UBE2R2: variants seen among roughly 807,000 people sequenced by gnomAD.
UBE2R2 encodes ubiquitin conjugating enzyme E2 R2, also known as ubiquitin-conjugating enzyme E2 R2.
Under a neutral mutation model 27.8 loss-of-function variants are expected in UBE2R2, and 1 was observed. The observed-to-expected ratio is 0.04, with a 90% confidence interval of 0.01 to 0.17. The LOEUF (loss-of-function observed/expected upper bound fraction) is 0.17. Ranked by LOEUF, UBE2R2 falls within the 10% of genes least tolerant of loss-of-function variation. UBE2R2 has a pLI of 1.00. For missense variants in UBE2R2, 100 were observed against 291.0 expected, an observed-to-expected ratio of 0.34 and a Z score of 4.78; for synonymous variants, 106 against 113.3, an observed-to-expected ratio of 0.94 and a Z score of 0.41.
At chr9:33,816,228 T>C (rs1825753001), upstream of UBE2R2, among the ~76,000 whole-genome samples, 1 of 152,190 alleles carries the variant, frequency 6.6e-6, no homozygotes. Flanking sequence ...GCAGTTATCC[T>C]AGGACATGCC....
Position 33,917,196 on chromosome 9 carries a change from G to A in UBE2R2, c.676G>A (p.Asp226Asn), listed in dbSNP as rs771807900. ...DDEDEEEEDADCYDDDDSGNE... is the reference protein window; with the variant it reads ...DDEDEEEEDANCYDDDDSGNE... ...TGAAGATGAGGAGGAGGAAGATGCCGACTGTTATGATGATGATGATTCTGG... is the reference window on the plus strand; with the variant it reads ...TGAAGATGAGGAGGAGGAAGATGCCAACTGTTATGATGATGATGATTCTGG... Residue 226 changes from aspartate (D) to asparagine (N), a missense_variant, in exon 5 of 5, where the codon GAC (aspartate) becomes AAC (asparagine). Coordinates refer to ENST00000263228, the MANE Select transcript of UBE2R2 (RefSeq NM_017811.4). The A allele has an allele frequency of 4.3e-6, 7 of 1,614,196 alleles. No individual in the cohort carries two copies. The highest frequency in any genetic ancestry group is 2.2e-5 in the South Asian group (2 of 91,078).
At chr9:33,878,923 T>C (rs530494936) in intron 1 of UBE2R2, among the ~76,000 whole-genome samples, 1 of 152,270 alleles carries the variant, frequency 6.6e-6, no homozygotes, top group South Asian at 2.1e-4. Flanking sequence ...ATCTGCTTTC[T>C]TTTATTGCTT....
chr9:33,868,544 C>A (rs1030041403), intron 1 of UBE2R2: 3 of 152,178 alleles, frequency 2.0e-5, no homozygotes, highest in African/African-American at 7.2e-5. Flanking sequence ...GTTTTAACCA[C>A]CCTTTTCTTG....
intron 1 of UBE2R2, among the ~76,000 whole-genome samples, chr9:33,864,885 C>T (rs1009362895): frequency 3.9e-5 from 6 of 152,016 alleles, no homozygotes; most frequent in East Asian, 3.9e-4. Context: ...CCACCACACC[C>T]GACTAATTTT....
Position 33,919,713 on chromosome 9 carries a change from C to CTTGAG in UBE2R2, c.*2479_*2483dup, listed in dbSNP as rs1822755310. 6.7e-6 allele frequency: 1 copy of CTTGAG among 149,088 alleles called. No homozygotes were observed. Among genetic ancestry groups the CTTGAG allele is most frequent in the South Asian group, 2.2e-4 (1 of 4,468 alleles). 9.2% of individuals were successfully genotyped at this position (149,088 alleles called of 1,614,324 possible). On this transcript the variant is annotated 3_prime_UTR_variant, in exon 5 of 5. Transcript: ENST00000263228. ...TGAGAACACATCCCTGTGGAAAATA[C>CTTGAG]TTGAGTTTGTAATTTTTTTTCCCCC...
At position 33,918,445 on chromosome 9, in the gene UBE2R2, A is replaced by G. The variant is rs1431906510; in HGVS notation, c.*1208A>G. ...CTGTGGAGTGCAAGCAGAATTATGC[A>G]TAGAAATTGTGGCAGGGCTGAGGGA... On this transcript the variant is annotated 3_prime_UTR_variant, in exon 5 of 5. Coordinates refer to ENST00000263228, the MANE Select transcript of UBE2R2 (RefSeq NM_017811.4). The G allele has an allele frequency of 1.3e-5, 2 of 151,832 alleles. No homozygotes were observed. The highest frequency in any genetic ancestry group is 2.9e-5 in the Non-Finnish European group (2 of 68,006). The allele number at this position is 151,832 out of a possible 1,614,324, so 9.4% of individuals were successfully genotyped here.
At chr9:33,890,319 C>T (rs1487244653) in intron 2 of UBE2R2, among the ~76,000 whole-genome samples, 1 of 152,202 alleles carries the variant, frequency 6.6e-6, no homozygotes, top group Non-Finnish European at 1.5e-5. Flanking sequence ...GGCGCAGTGG[C>T]TCACCCTATA....
chr9:33,859,793 T>TGAGAGAGAGA (rs767686442), intron 1 of UBE2R2, among the ~76,000 whole-genome samples: 1 of 124,716 alleles, frequency 8.0e-6, no homozygotes, highest in African/African-American at 2.8e-5. Context: ...TGTGTGTGTG[T>TGAGAGAGAGA]GTGTGTGAGA....
At chr9:33,862,035 A>G (rs2130768444) in intron 1 of UBE2R2, among the ~76,000 whole-genome samples, 1 of 151,318 alleles carries the variant, frequency 6.6e-6, no homozygotes, top group East Asian at 1.9e-4. Context: ...TTTTATTTTT[A>G]GTAGAGACAG....
intron 3 of UBE2R2, among the ~76,000 whole-genome samples, chr9:33,900,899 T>G (rs1564004537): frequency 6.6e-6 from 1 of 152,106 alleles, no homozygotes; most frequent in Non-Finnish European, 1.5e-5. Flanking sequence ...CATGTCTTCA[T>G]GGGCAACTCC....
chr9:33,894,722 C>A (rs749553317), intron 2 of UBE2R2, among the ~76,000 whole-genome samples: 23 of 152,174 alleles, frequency 1.5e-4, no homozygotes, highest in African/African-American at 4.8e-4. Flanking sequence ...CAGCGCAACT[C>A]CATCACTATA....
chr9:33,873,575 G>GTTATAAC (rs1461949965), intron 1 of UBE2R2, among the ~76,000 whole-genome samples: 1 of 152,148 alleles, frequency 6.6e-6, no homozygotes, highest in African/African-American at 2.4e-5. Flanking sequence ...TCTTAAGGAA[G>GTTATAAC]TTCAGTTATA....
At chr9:33,822,511 G>A (rs1002870324) in intron 1 of UBE2R2, among the ~76,000 whole-genome samples, 1 of 149,568 alleles carries the variant, frequency 6.7e-6, no homozygotes, top group African/African-American at 2.5e-5. Flanking sequence ...ACTGCAGCCT[G>A]AAACACTTGG....
chr9:33,829,415 A>G (rs945322840), intron 1 of UBE2R2, among the ~76,000 whole-genome samples: 1 of 152,152 alleles, frequency 6.6e-6, no homozygotes, highest in African/African-American at 2.4e-5. Flanking sequence ...TTAAGTGATG[A>G]GAGATTACCT....
chr9:33,817,775 G>A lies in UBE2R2; in HGVS notation c.18G>A (p.Met6Ile). The change falls in exon 1 of 5, where the codon ATG becomes ATA. Residue 6 changes from methionine (M) to isoleucine (I), a missense_variant. This residue lies in a region of UBE2R2 where 43 missense variants were observed against 129.2 expected (regional missense o/e 0.33). Transcript: ENST00000263228. MAQQQ[M>I]TSSQKALMLE... is the part of the protein sequence containing the mutation. Reference sequence around the variant, plus strand: ...CCGCCGCGATGGCCCAGCAGCAGATGACCAGCTCGCAGAAGGCCCTGATGC... The same window carrying A: ...CCGCCGCGATGGCCCAGCAGCAGATAACCAGCTCGCAGAAGGCCCTGATGC... The A allele has an allele frequency of 6.3e-7, 1 of 1,593,824 alleles. No homozygotes were observed. The highest frequency in any genetic ancestry group is 8.5e-7 in the Non-Finnish European group (1 of 1,170,914).
chr9:33,863,715 C>T (rs963929583), intron 1 of UBE2R2, among the ~76,000 whole-genome samples: 3 of 151,994 alleles, frequency 2.0e-5, no homozygotes, highest in African/African-American at 7.2e-5. Context: ...GATAGAATCT[C>T]GTTGTGTCAT....
chr9:33,856,512 C>G (rs1440164241), intron 1 of UBE2R2, among the ~76,000 whole-genome samples: 1 of 152,072 alleles, frequency 6.6e-6, no homozygotes, highest in Non-Finnish European at 1.5e-5. Context: ...TATTGTGGAA[C>G]ATGAGTTTAG....
intron 3 of UBE2R2, among the ~76,000 whole-genome samples, chr9:33,905,389 C>G (rs1822331043): frequency 1.3e-5 from 2 of 152,128 alleles, no homozygotes; most frequent in African/African-American, 4.8e-5. Context: ...GTTCCTAAAG[C>G]TCTTTTAAAC....
chr9:33,892,711 C>A (rs956996985), intron 2 of UBE2R2, among the ~76,000 whole-genome samples: 2 of 152,030 alleles, frequency 1.3e-5, no homozygotes, highest in African/African-American at 4.8e-5. Flanking sequence ...TCCATTTTCT[C>A]TTAACATTTT....
Sources: gnomAD v4.1 joint callset for allele counts (sites outside exome capture counted in the v4.1 genomes callset) on GRCh38, gnomAD v4.1.1 for gene constraint, gnomAD v4.1.1 regional missense constraint, MANE v1.5 for transcripts, NCBI Gene and HGNC (gene_info 2026-07-23, HGNC 2026-07-21) for gene names.